ENKUR: variants seen among roughly 807,000 people sequenced by gnomAD.
ENKUR encodes the protein enkurin.
In ENKUR, 19 loss-of-function variants were observed where a neutral mutation model predicts 27.6. The ratio of observed to expected loss-of-function variants is 0.69; its 90% CI spans 0.48 to 1.01. The LOEUF is 1.01. ENKUR is among the 50% of genes least tolerant of loss of function. The pLI, the probability that ENKUR is intolerant of heterozygous loss-of-function variation, is 0.00. For missense variants in ENKUR, 312 were observed against 310.5 expected (o/e 1.00, Z -0.04); for synonymous variants, 117 against 96.9 (o/e 1.21, Z -1.22).
Position 24,984,803 on chromosome 10 carries a change from C to T in ENKUR, c.697G>A (p.Glu233Lys), listed in dbSNP as rs779034110. ...ATGTCGTGTTCTAGTTGTTTCATTT[C>T]TTCTTCCAGCCTCTGCTTGCGGATC... ...KKIRKQRLEE[E>K]MKQLEHDIGI... Residue 233 changes from glutamate (E) to lysine (K), a missense_variant, in exon 5 of 6, where the codon GAA (glutamate) becomes AAA (lysine). Physicochemically the swap from Glu to Lys is moderately conservative, Grantham distance 56. Coordinates refer to ENST00000331161, the MANE Select transcript of ENKUR (RefSeq NM_145010.4). The T allele has an allele frequency of 6.2e-7, 1 of 1,613,688 alleles. No homozygotes were observed.
intron 4 of ENKUR, among the ~76,000 whole-genome samples, chr10:24,987,797 G>T (rs879692173): frequency 1.3e-5 from 2 of 152,098 alleles, no homozygotes; most frequent in Non-Finnish European, 2.9e-5. Flanking sequence ...TGACCAAAGA[G>T]AAATGAAAAT....
At chr10:25,009,960 A>T (rs543271204) in intron 1 of ENKUR, among the ~76,000 whole-genome samples, 1 of 152,270 alleles carries the variant, frequency 6.6e-6, no homozygotes, top group African/African-American at 2.4e-5. Context: ...GTAGTATGAG[A>T]ACAGACTAAT....
At chr10:25,001,893 C>G (rs371198128) in intron 1 of ENKUR, among the ~76,000 whole-genome samples, 8 of 152,120 alleles carry the variant, frequency 5.3e-5, no homozygotes, top group Non-Finnish European at 1.2e-4. Flanking sequence ...TTTCCTGCTT[C>G]TTTGCATGCC....
chr10:25,053,724 A>G (rs1398038584), intron 2 of ENKUR, among the ~76,000 whole-genome samples: 1 of 152,202 alleles, frequency 6.6e-6, no homozygotes, highest in African/African-American at 2.4e-5. Context: ...GTAGTTTGAA[A>G]TATTTCGAAT....
chr10:25,037,673 C>T (rs922971253), intron 2 of ENKUR, among the ~76,000 whole-genome samples: 1 of 152,108 alleles, frequency 6.6e-6, no homozygotes, highest in African/African-American at 2.4e-5. Flanking sequence ...GCTCTTCTTT[C>T]CTTTTGTCTT....
intron 4 of ENKUR, among the ~76,000 whole-genome samples, chr10:24,989,777 A>G (rs1421316538): frequency 1.3e-5 from 2 of 152,346 alleles, no homozygotes; most frequent in East Asian, 3.9e-4. Context: ...AAAAATAAAC[A>G]AAGAATTAAG....
chr10:25,027,864 A>T (rs1200440530), intron 2 of ENKUR, among the ~76,000 whole-genome samples: 1 of 152,190 alleles, frequency 6.6e-6, no homozygotes, highest in African/African-American at 2.4e-5. Context: ...ATAAATAAAA[A>T]TAAAAAAGAC....
At chr10:25,028,077 A>T (rs1257598073) in intron 2 of ENKUR, among the ~76,000 whole-genome samples, 1 of 152,202 alleles carries the variant, frequency 6.6e-6, no homozygotes, top group East Asian at 1.9e-4. Flanking sequence ...AGAATCTAAG[A>T]TGAATCTTGA....
At chr10:25,016,418 C>A (rs1481171105), upstream of ENKUR, among the ~76,000 whole-genome samples, 1 of 152,258 alleles carries the variant, frequency 6.6e-6, no homozygotes, top group African/African-American at 2.4e-5. Flanking sequence ...GCGCAGGCGT[C>A]ACCCAATAAG....
Position 24,984,252 on chromosome 10 carries a change from T to G in ENKUR, c.*118A>C, listed in dbSNP as rs1006481524. 1.7e-6 allele frequency: 2 copies of G among 1,157,988 alleles called. No individual in the cohort carries two copies. Among genetic ancestry groups the G allele is most frequent in the African/African-American group, 3.1e-5 (2 of 64,212 alleles). 71.7% of individuals were successfully genotyped at this position (1,157,988 alleles called of 1,614,324 possible). A position where few individuals can be genotyped will look rare whatever the true frequency, so the allele number is the denominator to read the frequency against. Reference sequence around the variant, plus strand: ...GTCATGGGCCACAGGAAAATACATCTTTTGCATTTGTGGAGCTCAGAAACA... The same window carrying G: ...GTCATGGGCCACAGGAAAATACATCGTTTGCATTTGTGGAGCTCAGAAACA... On this transcript the variant is annotated 3_prime_UTR_variant, in exon 6 of 6. Transcript: ENST00000331161.
In ENKUR at chr10:24,984,098, T is replaced by C. The variant is rs138661411; in HGVS notation, c.*272A>G. 28 of 377,074 alleles carry C rather than the reference T, an allele frequency of 7.4e-5. 1 individual carries two copies. Among genetic ancestry groups the C allele is most frequent in the African/African-American group, 5.6e-4 (27 of 48,560 alleles). 23.4% of individuals were successfully genotyped at this position (377,074 alleles called of 1,614,324 possible). A position where few individuals can be genotyped will look rare whatever the true frequency, so the allele number is the denominator to read the frequency against. ...TATTCTCCTTAATCATCCTCAATGATGCCTTTATAAGTTGTCATCTTGATT... is the reference window on the plus strand; with the variant it reads ...TATTCTCCTTAATCATCCTCAATGACGCCTTTATAAGTTGTCATCTTGATT... On this transcript the variant is annotated 3_prime_UTR_variant, in exon 6 of 6. Coordinates refer to ENST00000331161, the MANE Select transcript of ENKUR (RefSeq NM_145010.4).
chr10:25,015,969 C>A lies in ENKUR; in HGVS notation c.-33G>T. The A allele has an allele frequency of 6.3e-7, 1 of 1,589,948 alleles. No homozygotes were observed. Among genetic ancestry groups the A allele is most frequent in the East Asian group, 2.3e-5 (1 of 43,952 alleles). On this transcript the variant is annotated 5_prime_UTR_variant, in exon 1 of 6. Coordinates refer to ENST00000331161, the MANE Select transcript of ENKUR (RefSeq NM_145010.4). The stretch of plus-strand genomic sequence containing the variant: ...AAATGACTCCTTAAAAGCTACTCTC[C>A]ACAACTTTTTTCTCCCTGTCCCAGT...
intron 1 of ENKUR, among the ~76,000 whole-genome samples, chr10:25,008,965 A>T: frequency 6.6e-6 from 1 of 152,180 alleles, no homozygotes; most frequent in East Asian, 1.9e-4. Flanking sequence ...AGGGACATGG[A>T]TGAAGCTAGA....
At chr10:25,034,572 T>A (rs1322112097) in intron 2 of ENKUR, among the ~76,000 whole-genome samples, 1 of 152,224 alleles carries the variant, frequency 6.6e-6, no homozygotes, top group Non-Finnish European at 1.5e-5. Flanking sequence ...TATTACCTTT[T>A]TTCTGGAACC....
At chr10:25,060,027 T>C (rs1851308462) in intron 2 of ENKUR, among the ~76,000 whole-genome samples, 1 of 152,132 alleles carries the variant, frequency 6.6e-6, no homozygotes, top group Non-Finnish European at 1.5e-5. Flanking sequence ...TCCCTGGCTG[T>C]CCCAGGTGAG....
chr10:25,034,098 T>C (rs1004888111), intron 2 of ENKUR, among the ~76,000 whole-genome samples: 3 of 150,796 alleles, frequency 2.0e-5, no homozygotes, highest in African/African-American at 7.3e-5. Context: ...GTGAAAATTA[T>C]GCAAAAAAAA....
At chr10:25,038,428 A>T (rs10508685) in intron 2 of ENKUR, among the ~76,000 whole-genome samples, 47,128 of 152,140 alleles carry the variant, frequency 0.31, 7,706 homozygotes, top group East Asian at 0.5. Context: ...TTTAGGAGGC[A>T]TAGGCTTACA....
intron 5 of ENKUR, 154 bp downstream of exon 5, chr10:24,984,582 C>G (rs1374926167): frequency 3.0e-6 from 3 of 1,013,136 alleles, no homozygotes; most frequent in Non-Finnish European, 4.2e-6. Flanking sequence ...GTGAATAACT[C>G]AATTATTCTT....
chr10:25,016,208 A>C (rs1850568457), upstream of ENKUR: 20 of 1,161,768 alleles, frequency 1.7e-5, no homozygotes, highest in Admixed American at 4.6e-5. Context: ...GGCAGGCAGC[A>C]CCGCAAACTA....
Sources: gnomAD v4.1 joint callset for allele counts (sites outside exome capture counted in the v4.1 genomes callset) on GRCh38, gnomAD v4.1.1 for gene constraint, MANE v1.5 for transcripts, NCBI Gene and HGNC (gene_info 2026-07-23, HGNC 2026-07-21) for gene names.